The following ZNF311 variants were observed in gnomAD, a reference collection of about 807,000 sequenced individuals.
ZNF311 encodes the protein zinc finger protein zfp31.
In ZNF311, 14 loss-of-function variants were observed where a neutral mutation model predicts 22.7. The observed-to-expected ratio is 0.62, with a 90% CI of 0.41 to 0.96. ZNF311 has a LOEUF of 0.96. Among genes scored for constraint, ZNF311 ranks in the 40% least tolerant of loss-of-function variants. The probability of loss-of-function intolerance (pLI) is 0.00; values close to 1 mark genes in which losing one functional copy is unlikely to be tolerated. For synonymous variants in ZNF311, 250 were observed against 275.3 expected (o/e 0.91, Z 0.91); for missense variants, 731 against 799.0 (o/e 0.91, Z 1.03).
chr6:28,996,119 T>A lies in ZNF311; in HGVS notation c.883A>T (p.Ile295Leu). The change falls in exon 7 of 7, where the codon ATA becomes TTA. Residue 295 changes from isoleucine (I) to leucine (L), a missense_variant. By Grantham distance (5) the Ile-to-Leu change is conservative. Coordinates refer to ENST00000377179, the MANE Select transcript of ZNF311 (RefSeq NM_001382360.1). ...AAAGGTTTCTCCCCTGTGTGGATTA[T>A]CCGGTGCATAGAAAGCTGATTTCTG... ...KTRNQLSMHRIIHTGEKPFNC... is the reference protein window; with the variant it reads ...KTRNQLSMHRLIHTGEKPFNC... 6.2e-7 allele frequency: 1 copy of A among 1,613,364 alleles called. No individual in the cohort carries two copies. Among genetic ancestry groups the A allele is most frequent in the Non-Finnish European group, 8.5e-7 (1 of 1,180,004 alleles).
Position 28,995,885 on chromosome 6 carries a change from A to T in ZNF311, c.1117T>A (p.Ser373Thr). The T allele has an allele frequency of 6.2e-7, 1 of 1,613,736 alleles. No homozygotes were observed. Among genetic ancestry groups the T allele is most frequent in the Non-Finnish European group, 8.5e-7 (1 of 1,179,962 alleles). Reference sequence around the variant, plus strand: ...TGGATTCTGCCATGGATGGTAAGGGAATGCTTAAACTGGAAGGCCTTCCCA... The same window carrying T: ...TGGATTCTGCCATGGATGGTAAGGGTATGCTTAAACTGGAAGGCCTTCCCA... ...CCGKAFQFKH[S>T]LTIHGRIHTG... The change falls in exon 7 of 7, where the codon TCC (serine) becomes ACC (threonine). Residue 373 changes from serine (S) to threonine (T), a missense_variant. Ser to Thr is a moderately conservative substitution (Grantham distance 58, BLOSUM62 1). Coordinates refer to ENST00000377179, the MANE Select transcript of ZNF311 (RefSeq NM_001382360.1). The surrounding 1 kb of genome is among the most constrained non-coding windows in gnomAD (Gnocchi z 4.7).
At chr6:28,998,203 G>A (rs973450815) in intron 6 of ZNF311, among the ~76,000 whole-genome samples, 1 of 142,292 alleles carries the variant, frequency 7.0e-6, no homozygotes, top group Admixed American at 7.3e-5. Flanking sequence ...GAGTCTCACT[G>A]TGTCCCCCGG....
At chr6:29,003,113 C>A (rs970087243) in intron 3 of ZNF311, among the ~76,000 whole-genome samples, 1 of 152,150 alleles carries the variant, frequency 6.6e-6, no homozygotes, top group East Asian at 1.9e-4. Context: ...TGTATATATT[C>A]AAATTTTACA....
At chr6:29,004,274 G>A (rs1009181538) in intron 1 of ZNF311, 60 bp from the exon 2 acceptor site, 13 of 1,237,126 alleles carry the variant, frequency 1.1e-5, no homozygotes, top group Admixed American at 7.0e-5. Flanking sequence ...GGGAGTCACT[G>A]AGAACCTGAG....
Position 28,996,400 on chromosome 6 carries a change from TC to T in ZNF311, c.601del (p.Glu201ArgfsTer3), listed in dbSNP as rs1779597839. On this transcript the variant is annotated frameshift_variant, in exon 7 of 7. Coordinates refer to ENST00000377179, the MANE Select transcript of ZNF311 (RefSeq NM_001382360.1). LOFTEE classifies it low-confidence loss of function (END_TRUNC). ...GCCTTCTTTCTCTTCTCTCAGTTTC[TC>T]CCTTATAGATGTTTCCCATTGATTC... ...LENQWETSIR[E>X]KLREEKEGSE... 1.9e-6 allele frequency: 3 copies of T among 1,611,092 alleles called. No individual in the cohort carries two copies. Among genetic ancestry groups the T allele is most frequent in the Non-Finnish European group, 2.5e-6 (3 of 1,179,984 alleles).
At chr6:29,003,425 G>T in intron 3 of ZNF311, 88 bp downstream of exon 3, 2 of 1,201,250 alleles carry the variant, frequency 1.7e-6, no homozygotes, top group Non-Finnish European at 2.5e-6. Context: ...AGATTTTTGG[G>T]CCCCAGTGTG....
At position 28,995,963 on chromosome 6, in the gene ZNF311, A is replaced by T; in HGVS notation, c.1039T>A (p.Cys347Ser). ...GKAFKTRNRL[C>S]MHQLIHTGEK... ...CCGGTGTGGATAAGCTGATGCATAC[A>T]GAGACGGTTCCTGGTCTTGAAGGCC... is the stretch of plus-strand genomic sequence containing the variant. The change falls in exon 7 of 7, where the codon TGT (cysteine) becomes AGT (serine). Residue 347 changes from cysteine to serine, a missense_variant. By Grantham distance (112) the Cys-to-Ser change is moderately radical (BLOSUM62 -1). Transcript: ENST00000377179. The surrounding 1 kb of genome is among the most constrained non-coding windows in gnomAD (Gnocchi z 4.7). The T allele has an allele frequency of 1.2e-6, 2 of 1,613,704 alleles. No individual in the cohort carries two copies. The highest frequency in any genetic ancestry group is 2.7e-5 in the African/African-American group (2 of 75,006).
chr6:28,998,954 TTAGA>T (rs1291670617), intron 5 of ZNF311, 116 bp from the exon 6 acceptor site: 2 of 655,376 alleles, frequency 3.1e-6, no homozygotes, highest in Admixed American at 3.3e-5. Flanking sequence ...AAATGTTAAT[TTAGA>T]TAGAGAAAAG....
rs1780839693 is a variant in ZNF311 at position 29,004,102 on chromosome 6, G to C, written c.-148C>G. 2 of 1,578,046 alleles carry C rather than the reference G, an allele frequency of 1.3e-6. No individual in the cohort carries two copies. The highest frequency in any genetic ancestry group is 2.7e-5 in the African/African-American group (2 of 74,214). ...ACATGTTTTGGTGGTGCCAGCCAAA[G>C]GGCCCTTCTTGACCCACAGTGCCGC... On this transcript the variant is annotated 5_prime_UTR_variant, in exon 2 of 7. Transcript: ENST00000377179.
At chr6:29,003,780 A>G in intron 2 of ZNF311, 166 bp downstream of exon 2, 2 of 1,498,994 alleles carry the variant, frequency 1.3e-6, no homozygotes, top group South Asian at 1.2e-5. Flanking sequence ...ACAACTACAA[A>G]GCTTTAATGA....
At position 28,996,293 on chromosome 6, in the gene ZNF311, A is replaced by G; in HGVS notation, c.709T>C (p.Cys237Arg). 1 of 1,612,976 alleles carries G rather than the reference A, an allele frequency of 6.2e-7. No individual in the cohort carries two copies. The highest frequency in any genetic ancestry group is 8.5e-7 in the Non-Finnish European group (1 of 1,180,024). Residue 237 changes from cysteine (C) to arginine (R), a missense_variant, in exon 7 of 7, where the codon TGT becomes CGT. Transcript: ENST00000377179. ...TTCTGTGCTATAAGAACTTTATTAC[A>G]TTGACTATGTTTTGAGTTTGGATTC... ...NLNPNSKHSQCNKVLIAQKLH... is the reference protein window; with the variant it reads ...NLNPNSKHSQRNKVLIAQKLH...
At chr6:28,999,747 A>G (rs1474756204) in intron 4 of ZNF311, 134 bp from the exon 5 acceptor site, 31 of 1,364,680 alleles carry the variant, frequency 2.3e-5, no homozygotes, top group Non-Finnish European at 3.0e-5. Flanking sequence ...GTATGTACAA[A>G]TGAGATGAAA....
chr6:29,002,553 T>C (rs191788134), intron 3 of ZNF311, among the ~76,000 whole-genome samples: 2 of 152,226 alleles, frequency 1.3e-5, no homozygotes, highest in African/African-American at 4.8e-5. Context: ...GTCTATGCCT[T>C]TCTGGGTTTG....
rs9280531 is a variant in ZNF311 at position 29,004,442 on chromosome 6, C to CTT, written c.-260-230_-260-229dup. Among the ~76,000 whole-genome samples the CTT allele has an allele frequency of 2.3e-3, 71 of 30,618 alleles. 1 individual carries two copies. The highest frequency in any genetic ancestry group is 5.0e-3 in the East Asian group (3 of 600). The allele number at this position is 30,618 out of a possible 152,430, so 20.1% of individuals were successfully genotyped here. On this transcript the variant is annotated intron_variant, in intron 1 of 6. Coordinates refer to ENST00000377179, the MANE Select transcript of ZNF311 (RefSeq NM_001382360.1). ...TCTTCAATCCTTGCCTTCCTCCTTTCTTTTTTTTTTTTTTTTTTTTTTTTT... is the reference window on the plus strand; with the variant it reads ...TCTTCAATCCTTGCCTTCCTCCTTTCTTTTTTTTTTTTTTTTTTTTTTTTTTT...
Position 28,996,587 on chromosome 6 carries a change from C to T in ZNF311, c.416-1G>A. On this transcript the variant is annotated splice_acceptor_variant, in intron 6 of 6. Transcript: ENST00000377179. LOFTEE classifies it high-confidence loss of function. ...TCAGGCCACATCTTGTCAGCTGACA[C>T]TTAAACAAGAAAATACAAATGTCAG... 1 of 1,579,880 alleles carries T rather than the reference C, an allele frequency of 6.3e-7. No individual in the cohort carries two copies. Among genetic ancestry groups the T allele is most frequent in the Non-Finnish European group, 8.5e-7 (1 of 1,172,232 alleles).
chr6:28,994,905 A>C lies in ZNF311; in HGVS notation c.*96T>G. On this transcript the variant is annotated 3_prime_UTR_variant, in exon 7 of 7. Coordinates refer to ENST00000377179, the MANE Select transcript of ZNF311 (RefSeq NM_001382360.1). ...GACAATGTCTTTGGGGAATCTCACA[A>C]TTAAGGGTCAGGAAATCAGGAATAA... 2 of 1,360,026 alleles carry C rather than the reference A, an allele frequency of 1.5e-6. No homozygotes were observed. Among genetic ancestry groups the C allele is most frequent in the Non-Finnish European group, 1.9e-6 (2 of 1,029,400 alleles). 84.2% of individuals were successfully genotyped at this position (1,360,026 alleles called of 1,614,324 possible). A position where few individuals can be genotyped will look rare whatever the true frequency, so the allele number is the denominator to read the frequency against.
intron 3 of ZNF311, among the ~76,000 whole-genome samples, chr6:29,001,243 C>T (rs1354045908): frequency 6.6e-6 from 1 of 152,202 alleles, no homozygotes; most frequent in Non-Finnish European, 1.5e-5. Context: ...AAGACACCAG[C>T]AGGGTCAAAG....
chr6:28,995,209 A>T lies in ZNF311; in HGVS notation c.1793T>A (p.Leu598Gln), dbSNP rs149909685. Reference protein sequence around the residue: ...CGTSFRQGSALIGHKRVHTGE... With the variant: ...CGTSFRQGSAQIGHKRVHTGE... ...AGTATGAACTCGCTTATGTCCAATC[A>T]GAGCTGAGCCCTGACGGAAGGACGT... The change falls in exon 7 of 7, where the codon CTG becomes CAG. Residue 598 changes from leucine (L) to glutamine (Q), a missense_variant. Transcript: ENST00000377179. This position sits in a 1 kb window ranked among gnomAD's most constrained non-coding sequence, Gnocchi z 4.7. The T allele has an allele frequency of 8.9e-5, 143 of 1,613,980 alleles. No individual in the cohort carries two copies. The highest frequency in any genetic ancestry group is 1.2e-4 in the Non-Finnish European group (138 of 1,180,052).
In ZNF311 at chr6:29,001,292, T is replaced by C. The variant is rs375072205; in HGVS notation, c.92-1245A>G. ...AGATTTTATAATCACCCTTTGGATTTAGACCTCCAAGACTATCATTCCATT... is the reference window on the plus strand; with the variant it reads ...AGATTTTATAATCACCCTTTGGATTCAGACCTCCAAGACTATCATTCCATT... On this transcript the variant is annotated intron_variant, in intron 3 of 6. Coordinates refer to ENST00000377179, the MANE Select transcript of ZNF311 (RefSeq NM_001382360.1). 1.4e-3 allele frequency among the ~76,000 whole-genome samples: 213 copies of C among 152,332 alleles called. 2 individuals are homozygous for C. In the South Asian group the frequency reaches 0.022, roughly 16 times the overall value.
Sources: gnomAD v4.1 joint callset for allele counts (sites outside exome capture counted in the v4.1 genomes callset) on GRCh38, gnomAD v4.1.1 for gene constraint, Gnocchi (gnomAD v3.1) non-coding constraint, MANE v1.5 for transcripts, NCBI Gene and HGNC (gene_info 2026-07-23, HGNC 2026-07-21) for gene names.